MTRES1: variants seen among roughly 807,000 people sequenced by gnomAD.
MTRES1 encodes the protein uncharacterized protein C6orf203.
A neutral mutation model predicts 17.4 loss-of-function variants in MTRES1; 11 were observed. The observed-to-expected ratio is 0.63, with a 90% CI of 0.40 to 1.05. MTRES1 has a LOEUF of 1.05. Among genes scored for constraint, MTRES1 ranks in the 50% least tolerant of loss-of-function variants. The pLI, the probability that MTRES1 is intolerant of heterozygous loss-of-function variation, is 0.00. For missense variants in MTRES1, 268 were observed against 276.2 expected (o/e 0.97, Z 0.21); for synonymous variants, 94 against 99.6 (o/e 0.94, Z 0.34).
chr6:107,049,437 G>A (rs1325465697), intron 3 of MTRES1, among the ~76,000 whole-genome samples: 57 of 117,506 alleles, frequency 4.9e-4, no homozygotes, highest in African/African-American at 1.7e-3. Flanking sequence ...TTTTGGAGAC[G>A]GAGTCTCGCT....
At chr6:107,039,656 G>A (rs1459458664) in intron 1 of MTRES1, 93 bp from the exon 2 acceptor site, 3 of 1,324,440 alleles carry the variant, frequency 2.3e-6, no homozygotes, top group Non-Finnish European at 3.1e-6. Context: ...GTATAGTACT[G>A]TACATAAAGC....
chr6:107,031,695 G>C (rs1773848729), intron 1 of MTRES1, among the ~76,000 whole-genome samples: 1 of 152,052 alleles, frequency 6.6e-6, no homozygotes, highest in African/African-American at 2.4e-5. Flanking sequence ...CTGCCTCCCG[G>C]GTTCAAGCGG....
intron 3 of MTRES1, among the ~76,000 whole-genome samples, chr6:107,049,207 G>C (rs1774502586): frequency 6.6e-6 from 1 of 152,094 alleles, no homozygotes; most frequent in African/African-American, 2.4e-5. Flanking sequence ...GTCAGCATTT[G>C]ACACCATACT....
At chr6:107,038,260 AC>A (rs1774076029) in intron 1 of MTRES1, among the ~76,000 whole-genome samples, 1 of 152,186 alleles carries the variant, frequency 6.6e-6, no homozygotes, top group Non-Finnish European at 1.5e-5. Flanking sequence ...ATCCTAAGGT[AC>A]AATCTAGGCA....
chr6:107,039,031 G>A (rs1461431925), intron 1 of MTRES1, among the ~76,000 whole-genome samples: 1 of 152,042 alleles, frequency 6.6e-6, no homozygotes, highest in Non-Finnish European at 1.5e-5. Context: ...TCCAGCCTGG[G>A]CAACAAGAGC....
At chr6:107,030,245 A>C in intron 1 of MTRES1, 4 of 689,784 alleles carry the variant, frequency 5.8e-6, no homozygotes, top group South Asian at 1.6e-5. Flanking sequence ...CATCGTAGAG[A>C]CTTTGCTGTT....
chr6:107,047,592 A>G (rs1774435442), intron 3 of MTRES1, among the ~76,000 whole-genome samples: 1 of 152,020 alleles, frequency 6.6e-6, no homozygotes, highest in Admixed American at 6.6e-5. Context: ...ACTTATTAAA[A>G]ATGAATTGTA....
At chr6:107,030,119 ATT>A in intron 1 of MTRES1, 1 of 718,498 alleles carries the variant, frequency 1.4e-6, no homozygotes, top group Non-Finnish European at 2.6e-6. Flanking sequence ...TAAGTGCTTA[ATT>A]AAGGGGAGGA....
At chr6:107,045,609 T>C (rs1163946684) in intron 3 of MTRES1, among the ~76,000 whole-genome samples, 1 of 152,390 alleles carries the variant, frequency 6.6e-6, no homozygotes, top group Non-Finnish European at 1.5e-5. Context: ...TTATGGGTTA[T>C]GTTAATTTCA....
At chr6:107,046,376 T>C (rs1188204100) in intron 3 of MTRES1, among the ~76,000 whole-genome samples, 1 of 119,052 alleles carries the variant, frequency 8.4e-6, no homozygotes, top group Non-Finnish European at 1.6e-5. Flanking sequence ...TACAGCCTAA[T>C]TGCTGCTGCT....
chr6:107,040,050 C>A lies in MTRES1; in HGVS notation c.290C>A (p.Ser97Tyr), dbSNP rs782514079. 1.2e-6 allele frequency: 2 copies of A among 1,613,120 alleles called. No homozygotes were observed. Among genetic ancestry groups the A allele is most frequent in the South Asian group, 1.1e-5 (1 of 90,812 alleles). The stretch of plus-strand genomic sequence containing the variant: ...AGGTCTACAAAATCTACTAAAAAGT[C>A]TCTGCAAAAAGTAGATGAAGAGGAC... ...NIRSTKSTKK[S>Y]LQKVDEEDSD... The change falls in exon 2 of 4, where the codon TCT becomes TAT. Residue 97 changes from serine to tyrosine, a missense_variant. Physicochemically the swap from Ser to Tyr is moderately radical, Grantham distance 144 (BLOSUM62 -2). Coordinates refer to ENST00000311381, the MANE Select transcript of MTRES1 (RefSeq NM_016487.5).
At chr6:107,042,099 G>C (rs1582609332) in intron 2 of MTRES1, among the ~76,000 whole-genome samples, 1 of 152,014 alleles carries the variant, frequency 6.6e-6, no homozygotes, top group East Asian at 2.0e-4. Flanking sequence ...CCAGCACTTT[G>C]GGAGGCCAAG....
intron 1 of MTRES1, among the ~76,000 whole-genome samples, chr6:107,037,382 C>T (rs781974041): frequency 2.0e-5 from 3 of 151,702 alleles, no homozygotes; most frequent in Admixed American, 6.6e-5. Context: ...AGCTAATTTT[C>T]GTACTAAAAG....
intron 3 of MTRES1, among the ~76,000 whole-genome samples, chr6:107,044,786 GA>G (rs1774336767): frequency 6.6e-6 from 1 of 152,184 alleles, no homozygotes; most frequent in Non-Finnish European, 1.5e-5. Flanking sequence ...AGCAGTTATA[GA>G]AAAGGATGTG....
At chr6:107,034,707 G>A (rs1220660330) in intron 1 of MTRES1, among the ~76,000 whole-genome samples, 1 of 152,190 alleles carries the variant, frequency 6.6e-6, no homozygotes, top group East Asian at 1.9e-4. Flanking sequence ...CTTGACCTTG[G>A]TCGGGTGCGT....
At chr6:107,045,278 G>A (rs1366450133) in intron 3 of MTRES1, among the ~76,000 whole-genome samples, 1 of 151,910 alleles carries the variant, frequency 6.6e-6, no homozygotes, top group Admixed American at 6.6e-5. Context: ...TCAGGAGATC[G>A]AGACCATCCT....
intron 2 of MTRES1, among the ~76,000 whole-genome samples, chr6:107,042,239 C>T (rs1375491743): frequency 3.4e-5 from 5 of 146,312 alleles, no homozygotes; most frequent in Non-Finnish European, 7.4e-5. Context: ...ACTTGGGAGG[C>T]TGAGGCAGGA....
chr6:107,046,008 T>G (rs311247), intron 3 of MTRES1, among the ~76,000 whole-genome samples: 1 of 152,210 alleles, frequency 6.6e-6, no homozygotes, highest in Non-Finnish European at 1.5e-5. Flanking sequence ...CAGGTTCTTG[T>G]AGCTCTGTGG....
chr6:107,045,048 C>A lies in MTRES1; in HGVS notation c.543+716C>A, dbSNP rs538390062. Among the ~76,000 whole-genome samples the A allele has an allele frequency of 5.9e-5, 9 of 151,940 alleles. No individual in the cohort carries two copies. In the South Asian group the frequency reaches 1.9e-3, roughly 32 times the overall value. ...CAAAAAATACAAAAAATTAGCCAGG[C>A]GTGGTGGCAGGCGCTTGTCCCAGCT... is the stretch of plus-strand genomic sequence containing the variant. On this transcript the variant is annotated intron_variant, in intron 3 of 3. Coordinates refer to ENST00000311381, the MANE Select transcript of MTRES1 (RefSeq NM_016487.5).
Sources: gnomAD v4.1 joint callset for allele counts (sites outside exome capture counted in the v4.1 genomes callset) on GRCh38, gnomAD v4.1.1 for gene constraint, MANE v1.5 for transcripts, NCBI Gene and HGNC (gene_info 2026-07-23, HGNC 2026-07-21) for gene names.